Variants in CCNY observed in about 807,000 individuals in gnomAD.
CCNY encodes the protein cyclin Y, also known as cyclin-Y.
In CCNY, 19 loss-of-function variants were observed where a neutral mutation model predicts 42.8. The ratio of observed to expected loss-of-function variants is 0.44; its 90% CI spans 0.31 to 0.65. The LOEUF (loss-of-function observed/expected upper bound fraction) is 0.65, where lower values mean the gene tolerates loss of function less well. Among genes scored for constraint, CCNY ranks in the 30% least tolerant of loss-of-function variants. The pLI, the probability that CCNY is intolerant of heterozygous loss-of-function variation, is 0.07. For missense variants in CCNY, 370 were observed against 437.3 expected (o/e 0.85, Z 1.37); for synonymous variants, 165 against 162.7 (o/e 1.01, Z -0.11).
At chr10:35,465,545 C>T (rs538033125) in intron 1 of CCNY, among the ~76,000 whole-genome samples, 1 of 152,290 alleles carries the variant, frequency 6.6e-6, no homozygotes, top group Non-Finnish European at 1.5e-5. Flanking sequence ...AGGAAAAGTA[C>T]AACTTCTTGT....
chr10:35,430,149 A>G (rs1386426665), intron 1 of CCNY, among the ~76,000 whole-genome samples: 1 of 151,546 alleles, frequency 6.6e-6, no homozygotes, highest in Non-Finnish European at 1.5e-5. Flanking sequence ...CATCCCGGCT[A>G]AAACGGTGAA....
At chr10:35,405,210 C>G (rs1837731931) in intron 1 of CCNY, among the ~76,000 whole-genome samples, 1 of 152,112 alleles carries the variant, frequency 6.6e-6, no homozygotes, top group South Asian at 2.1e-4. Flanking sequence ...CTGTAACAGG[C>G]AAGTGACAAC....
intron 3 of CCNY, among the ~76,000 whole-genome samples, chr10:35,330,962 G>T (rs767677666): frequency 1.3e-5 from 2 of 152,332 alleles, no homozygotes; most frequent in East Asian, 3.9e-4. Context: ...GTTTTGCCAT[G>T]TTGGCCAGGC....
chr10:35,513,093 A>G (rs535795908), intron 3 of CCNY, among the ~76,000 whole-genome samples: 1 of 152,324 alleles, frequency 6.6e-6, no homozygotes, highest in African/African-American at 2.4e-5. Flanking sequence ...CAATTTTTGT[A>G]TATTAATGGA....
intron 1 of CCNY, among the ~76,000 whole-genome samples, chr10:35,401,598 TA>T (rs1837646185): frequency 6.6e-6 from 1 of 151,114 alleles, no homozygotes; most frequent in Non-Finnish European, 1.5e-5. Flanking sequence ...AAATTAGCAG[TA>T]GTAATTGTCT....
At chr10:35,455,825 TA>T (rs766510525) in intron 1 of CCNY, among the ~76,000 whole-genome samples, 10 of 99,802 alleles carry the variant, frequency 1.0e-4, no homozygotes, top group South Asian at 3.4e-4. Flanking sequence ...TTTTTTTTTT[TA>T]AAAAAAGAAA....
In CCNY at chr10:35,571,215, A is replaced by G. The variant is rs1049400752; in HGVS notation, c.*2045A>G. 6.6e-6 allele frequency: 1 copy of G among 152,208 alleles called. No homozygotes were observed. The highest frequency in any genetic ancestry group is 1.5e-5 in the Non-Finnish European group (1 of 68,034). The allele number at this position is 152,208 out of a possible 1,614,324, so 9.4% of individuals were successfully genotyped here. ...AGGTTCTGCTGCCGTAAAGGCAGAAATTTTATTTTTATCCCTTTTATTTGA... is the reference window on the plus strand; with the variant it reads ...AGGTTCTGCTGCCGTAAAGGCAGAAGTTTTATTTTTATCCCTTTTATTTGA... On this transcript the variant is annotated 3_prime_UTR_variant, in exon 10 of 10. Coordinates refer to ENST00000374704, the MANE Select transcript of CCNY (RefSeq NM_145012.6).
At chr10:35,509,172 A>G (rs1461047703) in intron 3 of CCNY, among the ~76,000 whole-genome samples, 1 of 152,158 alleles carries the variant, frequency 6.6e-6, no homozygotes, top group East Asian at 1.9e-4. Context: ...TCTCGCTTTC[A>G]TAGAGAATGA....
chr10:35,376,804 A>G (rs1837062228), intron 1 of CCNY, among the ~76,000 whole-genome samples: 1 of 152,234 alleles, frequency 6.6e-6, no homozygotes, highest in Non-Finnish European at 1.5e-5. Flanking sequence ...ATAAAAAGCC[A>G]CATATATTAC....
intron 3 of CCNY, among the ~76,000 whole-genome samples, chr10:35,514,356 C>T (rs1840385747): frequency 6.6e-6 from 1 of 152,186 alleles, no homozygotes; most frequent in African/African-American, 2.4e-5. Flanking sequence ...TTGGCATCCC[C>T]CTGGGATCGA....
chr10:35,561,593 C>T (rs554816655), intron 8 of CCNY, among the ~76,000 whole-genome samples: 52 of 152,280 alleles, frequency 3.4e-4, no homozygotes, highest in African/African-American at 1.3e-3. Context: ...GAAACCTTTT[C>T]AAATGGGGTT....
intron 7 of CCNY, among the ~76,000 whole-genome samples, chr10:35,533,167 C>T (rs1176276613): frequency 6.6e-6 from 1 of 152,156 alleles, no homozygotes; most frequent in Non-Finnish European, 1.5e-5. Flanking sequence ...GGCCGCACAC[C>T]CTCTAACCCA....
intron 3 of CCNY, among the ~76,000 whole-genome samples, chr10:35,273,957 T>A (rs1318462035): frequency 1.3e-5 from 2 of 152,152 alleles, no homozygotes; most frequent in Non-Finnish European, 2.9e-5. Context: ...CATCACCCAG[T>A]CAGTGGGCTG....
intron 1 of CCNY, among the ~76,000 whole-genome samples, chr10:35,355,576 G>A (rs1836527050): frequency 6.7e-6 from 1 of 149,344 alleles, no homozygotes. Flanking sequence ...TACTCGGGAG[G>A]CTGAGGCAGA....
intron 3 of CCNY, among the ~76,000 whole-genome samples, chr10:35,280,790 C>G (rs1217999314): frequency 6.6e-6 from 1 of 152,108 alleles, no homozygotes; most frequent in Non-Finnish European, 1.5e-5. Flanking sequence ...TCAAAATACA[C>G]TATTGAGAAA....
chr10:35,444,249 C>CTTTTTTTT (rs1323493317), intron 1 of CCNY, among the ~76,000 whole-genome samples: 468 of 136,480 alleles, frequency 3.4e-3, no homozygotes, highest in African/African-American at 0.012. Context: ...TGTTTTTTGG[C>CTTTTTTTT]TTTTTTTTTT....
intron 3 of CCNY, among the ~76,000 whole-genome samples, chr10:35,253,880 T>G (rs2095713663): frequency 6.7e-6 from 1 of 149,654 alleles, no homozygotes; most frequent in Admixed American, 6.6e-5. Context: ...AACTGTTTTT[T>G]TTTTTTTTTT....
intron 7 of CCNY, among the ~76,000 whole-genome samples, chr10:35,535,265 A>C (rs1311322438): frequency 6.6e-6 from 1 of 152,026 alleles, no homozygotes; most frequent in Non-Finnish European, 1.5e-5. Flanking sequence ...GACTTAGAGC[A>C]GGCCTGCACA....
intron 3 of CCNY, among the ~76,000 whole-genome samples, chr10:35,281,314 G>A (rs1161446934): frequency 1.3e-5 from 2 of 151,604 alleles, no homozygotes; most frequent in African/African-American, 2.4e-5. Context: ...TATTTATTTT[G>A]TTGAGACAGA....
Sources: gnomAD v4.1 joint callset for allele counts (sites outside exome capture counted in the v4.1 genomes callset) on GRCh38, gnomAD v4.1.1 for gene constraint, MANE v1.5 for transcripts, NCBI Gene and HGNC (gene_info 2026-07-23, HGNC 2026-07-21) for gene names.